Variants in SCRG1 observed in about 807,000 individuals in gnomAD.
SCRG1 encodes the protein stimulator of chondrogenesis 1, also known as scrapie-responsive protein 1.
In SCRG1, 3 loss-of-function variants were observed where a neutral mutation model predicts 7.7. The ratio of observed to expected loss-of-function variants is 0.39; its 90% CI spans 0.18 to 1.01. The LOEUF is 1.01. Ranked by LOEUF, SCRG1 falls within the 50% of genes least tolerant of loss-of-function variation. The pLI, the probability that SCRG1 is intolerant of heterozygous loss-of-function variation, is 0.36. For synonymous variants in SCRG1, 46 were observed against 41.2 expected (o/e 1.12, Z -0.44); for missense variants, 110 against 117.2 (o/e 0.94, Z 0.28).
chr4:173,483,499 A>G, the SCRG1 span, among the ~76,000 whole-genome samples: 42 of 79,236 alleles, frequency 5.3e-4, 8 homozygotes, highest in African/African-American at 2.7e-3. Context: ...ATTATATATT[A>G]TATTCTGATA....
At chr4:173,506,361 C>T in the SCRG1 span, among the ~76,000 whole-genome samples, 9 of 152,118 alleles carry the variant, frequency 5.9e-5, no homozygotes, top group African/African-American at 1.2e-4. This position sits in a 1 kb window ranked among gnomAD's most constrained non-coding sequence, Gnocchi z 5.3. Flanking sequence ...AGCCCCGTCT[C>T]CCAGGTTACC....
chr4:173,420,927 G>A, the SCRG1 span, among the ~76,000 whole-genome samples: 570 of 152,186 alleles, frequency 3.7e-3, 3 homozygotes, highest in Middle Eastern at 0.014. Flanking sequence ...TGGGGCAGGG[G>A]AGGAGTATAT....
At chr4:173,455,420 C>T in the SCRG1 span, among the ~76,000 whole-genome samples, 1 of 152,096 alleles carries the variant, frequency 6.6e-6, no homozygotes, top group South Asian at 2.1e-4. Context: ...CCCAAGGTTC[C>T]AGCAGTGAAG....
At chr4:173,459,619 A>G in the SCRG1 span, among the ~76,000 whole-genome samples, 1 of 152,228 alleles carries the variant, frequency 6.6e-6, no homozygotes, top group East Asian at 1.9e-4. Context: ...AGCCAATCTA[A>G]GAAGGAAGTT....
At chr4:173,509,520 C>T in the SCRG1 span, among the ~76,000 whole-genome samples, 1 of 152,202 alleles carries the variant, frequency 6.6e-6, no homozygotes. This position sits in a 1 kb window ranked among gnomAD's most constrained non-coding sequence, Gnocchi z 5.7. Flanking sequence ...GCGGGACCTG[C>T]GCTCGCAGCC....
At chr4:173,443,971 G>GTA in the SCRG1 span, among the ~76,000 whole-genome samples, 454 of 151,568 alleles carry the variant, frequency 3.0e-3, no homozygotes, top group African/African-American at 9.1e-3. Context: ...GTGTGTGTGT[G>GTA]TGTGTGTGTG....
the SCRG1 span, among the ~76,000 whole-genome samples, chr4:173,441,434 T>C: frequency 6.6e-6 from 1 of 152,176 alleles, no homozygotes; most frequent in Non-Finnish European, 1.5e-5. Flanking sequence ...CACTTCCTGG[T>C]GCCAAAGTCT....
At chr4:173,466,171 C>T in the SCRG1 span, among the ~76,000 whole-genome samples, 2 of 152,138 alleles carry the variant, frequency 1.3e-5, no homozygotes, top group Admixed American at 6.5e-5. Flanking sequence ...CCAAATGGAA[C>T]AAGTTTCTTT....
the SCRG1 span, among the ~76,000 whole-genome samples, chr4:173,511,345 G>T: frequency 2.6e-5 from 4 of 152,160 alleles, no homozygotes; most frequent in African/African-American, 9.7e-5. This position sits in a 1 kb window ranked among gnomAD's most constrained non-coding sequence, Gnocchi z 5.2. Context: ...GGTGGAGATA[G>T]GCCTGCTCAA....
chr4:173,414,219 T>G, the SCRG1 span, among the ~76,000 whole-genome samples: 1 of 152,228 alleles, frequency 6.6e-6, no homozygotes, highest in Admixed American at 6.5e-5. Flanking sequence ...GAGGCTCCAC[T>G]GGAGCAGCCT....
the SCRG1 span, among the ~76,000 whole-genome samples, chr4:173,502,509 G>C: frequency 6.6e-6 from 1 of 152,160 alleles, no homozygotes; most frequent in African/African-American, 2.4e-5. The surrounding 1 kb of genome is among the most constrained non-coding windows in gnomAD (Gnocchi z 4.6). Flanking sequence ...TCCGCTCTCC[G>C]TTGCCTGGCT....
chr4:173,519,122 T>TG, the SCRG1 span, among the ~76,000 whole-genome samples: 1 of 139,472 alleles, frequency 7.2e-6, no homozygotes, highest in African/African-American at 2.8e-5. Context: ...GAGGAGTAAA[T>TG]GCAGAGAAAA....
Position 173,386,590 on chromosome 4 carries a change from G to T in SCRG1, c.*1751C>A, listed in dbSNP as rs1739255707. 1 of 152,186 alleles carries T rather than the reference G, an allele frequency of 6.6e-6. No homozygotes were observed. The highest frequency in any genetic ancestry group is 6.5e-5 in the Admixed American group (1 of 15,276). 9.4% of individuals were successfully genotyped at this position (152,186 alleles called of 1,614,324 possible). On this transcript the variant is annotated 3_prime_UTR_variant, in exon 3 of 3. Transcript: ENST00000296506. ...AGCCCAGTAACACTTACTAAACACA[G>T]ATTAGATACCAGATACTGTTCTGGG...
chr4:173,409,350 A>T (rs1293141052), upstream of SCRG1, among the ~76,000 whole-genome samples: 1 of 152,186 alleles, frequency 6.6e-6, no homozygotes, highest in Non-Finnish European at 1.5e-5. Context: ...CCTGTGTGAC[A>T]GAGGGCCCTT....
At chr4:173,456,908 C>G in the SCRG1 span, among the ~76,000 whole-genome samples, 1 of 152,174 alleles carries the variant, frequency 6.6e-6, no homozygotes, top group Admixed American at 6.5e-5. Flanking sequence ...GGGTCCCTGA[C>G]TCTTAGGGAT....
the SCRG1 span, among the ~76,000 whole-genome samples, chr4:173,442,466 C>T: frequency 6.6e-6 from 1 of 152,206 alleles, no homozygotes; most frequent in Non-Finnish European, 1.5e-5. Flanking sequence ...TAGTTCTCAT[C>T]TCATGGAACT....
the SCRG1 span, among the ~76,000 whole-genome samples, chr4:173,417,839 G>A: frequency 6.6e-6 from 1 of 152,044 alleles, no homozygotes; most frequent in African/African-American, 2.4e-5. Context: ...GTAAAATTCA[G>A]AGACCTGCAA....
At chr4:173,479,353 T>C in the SCRG1 span, among the ~76,000 whole-genome samples, 1 of 152,138 alleles carries the variant, frequency 6.6e-6, no homozygotes, top group Non-Finnish European at 1.5e-5. Flanking sequence ...AGGTTGAATA[T>C]ACCCAGCTGA....
the SCRG1 span, among the ~76,000 whole-genome samples, chr4:173,470,214 A>G: frequency 6.8e-6 from 1 of 146,690 alleles, no homozygotes; most frequent in South Asian, 2.1e-4. Context: ...AAGCATCTCA[A>G]TATGTGTTTA....
Sources: allele counts gnomAD v4.1 joint callset (sites outside exome capture counted in the v4.1 genomes callset), GRCh38; gene constraint gnomAD v4.1.1; non-coding constraint Gnocchi (gnomAD v3.1); transcripts MANE v1.5; gene names NCBI Gene and HGNC (gene_info 2026-07-23, HGNC 2026-07-21).